Variants in NPM1 observed in about 807,000 individuals in gnomAD.
NPM1 encodes the protein nucleophosmin 1, also known as nucleophosmin.
NPM1 carries 1 observed loss-of-function variant against 44.1 expected under a neutral mutation model. That is an observed-to-expected ratio of 0.02 (90% CI 0.01 to 0.11). The LOEUF (loss-of-function observed/expected upper bound fraction) is 0.11, where lower values mean the gene tolerates loss of function less well. NPM1 is among the 10% of genes least tolerant of loss of function. The probability of loss-of-function intolerance (pLI) is 1.00; values close to 1 mark genes in which losing one functional copy is unlikely to be tolerated. For synonymous variants in NPM1, 126 were observed against 111.8 expected, an observed-to-expected ratio of 1.13 and a Z score of -0.80; for missense variants, 197 against 347.8, an observed-to-expected ratio of 0.57 and a Z score of 3.45.
chr5:171,406,603 T>G, intron 9 of NPM1: 1 of 1,387,196 alleles, frequency 7.2e-7, no homozygotes, highest in Non-Finnish European at 9.3e-7. Flanking sequence ...CACTTTCTTC[T>G]GACTGCTGTG....
intron 9 of NPM1, 71 bp downstream of exon 9, chr5:171,405,474 G>C: frequency 1.4e-6 from 1 of 714,794 alleles, no homozygotes; most frequent in Non-Finnish European, 2.4e-6. Context: ...GCATAGACTT[G>C]AATGTTTCTT....
At chr5:171,399,477 TCCTC>T (rs377594299) in intron 6 of NPM1, among the ~76,000 whole-genome samples, 1 of 152,230 alleles carries the variant, frequency 6.6e-6, no homozygotes, top group African/African-American at 2.4e-5. Context: ...ACTAAAACGA[TCCTC>T]CCACCTCAGC....
intron 8 of NPM1, among the ~76,000 whole-genome samples, chr5:171,404,594 C>T (rs1297978051): frequency 1.9e-5 from 2 of 104,364 alleles, no homozygotes; most frequent in Admixed American, 9.9e-5. Context: ...TGGGAAGAGG[C>T]GCTCCTCACT....
At chr5:171,409,725 T>TG (rs1361757024) in intron 10 of NPM1, among the ~76,000 whole-genome samples, 1 of 151,970 alleles carries the variant, frequency 6.6e-6, no homozygotes, top group African/African-American at 2.4e-5. Context: ...AGGCTGGTCT[T>TG]GAACTCCTGA....
chr5:171,393,432 A>G (rs1770700834), intron 6 of NPM1, among the ~76,000 whole-genome samples: 1 of 152,232 alleles, frequency 6.6e-6, no homozygotes. Flanking sequence ...TTATGTAGAT[A>G]TTTATTGACA....
chr5:171,395,448 T>A (rs1388835882), intron 6 of NPM1, among the ~76,000 whole-genome samples: 1 of 152,082 alleles, frequency 6.6e-6, no homozygotes, highest in African/African-American at 2.4e-5. Context: ...TACAGGCACT[T>A]GCCACCACGC....
In NPM1 at chr5:171,392,737, A is replaced by T; in HGVS notation, c.380A>T (p.Asp127Val). The T allele has an allele frequency of 6.2e-7, 1 of 1,612,910 alleles. No homozygotes were observed. The highest frequency in any genetic ancestry group is 1.1e-5 in the South Asian group (1 of 91,032). The change falls in exon 5 of 11, where the codon GAT (aspartate) becomes GTT (valine). Residue 127 changes from aspartate to valine, a missense_variant. This residue lies in a region of NPM1 where 91 missense variants were observed against 94.0 expected (regional missense o/e 0.97). Coordinates refer to ENST00000296930, the MANE Select transcript of NPM1 (RefSeq NM_002520.7). ...VAVEEDAESE[D>V]EEEEDVKLLS... is the part of the protein sequence containing the mutation. ...GTGGAGGAAGATGCAGAGTCAGAAG[A>T]TGAAGAGGAGGAGGATGTGAAACTC...
In NPM1 at chr5:171,387,881, G is replaced by C. The variant is rs1191520461; in HGVS notation, c.-68G>C. 7.5e-6 allele frequency: 11 copies of C among 1,464,744 alleles called. No individual in the cohort carries two copies. Among genetic ancestry groups the C allele is most frequent in the Non-Finnish European group, 1.9e-6 (2 of 1,047,072 alleles). 90.7% of individuals were successfully genotyped at this position (1,464,744 alleles called of 1,614,324 possible). On this transcript the variant is annotated 5_prime_UTR_variant, in exon 1 of 11. Coordinates refer to ENST00000296930, the MANE Select transcript of NPM1 (RefSeq NM_002520.7). Reference sequence around the variant, plus strand: ...TGGTGTGATTCCGTCCTGCGCGGTTGTTCTCTGGAGCAGCGTTCTTTTATC... The same window carrying C: ...TGGTGTGATTCCGTCCTGCGCGGTTCTTCTCTGGAGCAGCGTTCTTTTATC...
At chr5:171,391,132 A>G (rs1292206770) in intron 2 of NPM1, 173 bp from the exon 3 acceptor site, 4 of 685,832 alleles carry the variant, frequency 5.8e-6, no homozygotes, top group African/African-American at 5.4e-5. Context: ...TATACCATCT[A>G]GGTTTGTATA....
chr5:171,401,831 T>C (rs1159623875), intron 8 of NPM1, among the ~76,000 whole-genome samples: 1 of 152,192 alleles, frequency 6.6e-6, no homozygotes, highest in African/African-American at 2.4e-5. Context: ...GGCTGCATGT[T>C]AGCTTGAAGT....
rs1330105158 is a variant in NPM1, at chr5:171,410,653, A to C, written c.*88A>C. 5.5e-6 allele frequency: 4 copies of C among 725,426 alleles called. No homozygotes were observed. The African/African-American group carries it at 7.2e-5, about 13-fold the overall frequency. 44.9% of individuals were successfully genotyped at this position (725,426 alleles called of 1,614,324 possible). A position where few individuals can be genotyped will look rare whatever the true frequency, so the allele number is the denominator to read the frequency against. On this transcript the variant is annotated 3_prime_UTR_variant, in exon 11 of 11. Coordinates refer to ENST00000296930, the MANE Select transcript of NPM1 (RefSeq NM_002520.7). Reference sequence around the variant, plus strand: ...TATCTGGCTGTCCTTTTTATAATGCAGAGTGAGAACTTTCCCTACCGTGTT... The same window carrying C: ...TATCTGGCTGTCCTTTTTATAATGCCGAGTGAGAACTTTCCCTACCGTGTT...
chr5:171,388,078 G>GGGGGGC, intron 1 of NPM1, 72 bp downstream of exon 1: 7 of 616,738 alleles, frequency 1.1e-5, no homozygotes, highest in Admixed American at 2.0e-5. Context: ...TGAGGGGCGG[G>GGGGGGC]AATCCGGCTG....
In NPM1 at chr5:171,387,895, C is replaced by T. The variant is rs111426800; in HGVS notation, c.-54C>T. ...CCTGCGCGGTTGTTCTCTGGAGCAGCGTTCTTTTATCTCCGTCCGCCTTCT... is the reference window on the plus strand; with the variant it reads ...CCTGCGCGGTTGTTCTCTGGAGCAGTGTTCTTTTATCTCCGTCCGCCTTCT... On this transcript the variant is annotated 5_prime_UTR_variant, in exon 1 of 11. Transcript: ENST00000296930. The T allele has an allele frequency of 1.3e-3, 1,986 of 1,548,050 alleles. 20 individuals are homozygous for T. The African/African-American group carries it at 0.024, about 19-fold the overall frequency.
chr5:171,387,811 T>C (rs1228298834), upstream of NPM1: 12 of 763,304 alleles, frequency 1.6e-5, no homozygotes, highest in East Asian at 3.0e-4. Context: ...GCTCGCGAGA[T>C]CTTCAGGGTC....
chr5:171,398,940 A>C, intron 6 of NPM1, among the ~76,000 whole-genome samples: 1 of 148,856 alleles, frequency 6.7e-6, no homozygotes, highest in Non-Finnish European at 1.5e-5. Context: ...GCTCACTGCA[A>C]CCTCCGCCTC....
At chr5:171,394,283 C>T (rs949937654) in intron 6 of NPM1, among the ~76,000 whole-genome samples, 1 of 152,034 alleles carries the variant, frequency 6.6e-6, no homozygotes, top group African/African-American at 2.4e-5. Context: ...CGTGATCTAC[C>T]TGCCTCGGTC....
intron 6 of NPM1, among the ~76,000 whole-genome samples, chr5:171,396,279 C>T (rs1770879029): frequency 6.6e-6 from 1 of 152,152 alleles, no homozygotes; most frequent in Admixed American, 6.6e-5. Context: ...CCACACCCTG[C>T]CAGTAAAGCT....
intron 4 of NPM1, 24 bp downstream of exon 4, chr5:171,391,823 C>T: frequency 7.0e-7 from 1 of 1,435,158 alleles, no homozygotes; most frequent in East Asian, 2.3e-5. Context: ...ATATATTATA[C>T]TACTTAGTTT....
intron 8 of NPM1, among the ~76,000 whole-genome samples, chr5:171,403,681 G>A (rs1265858554): frequency 1.4e-5 from 2 of 146,294 alleles, no homozygotes; most frequent in Admixed American, 6.9e-5. Context: ...CTGGCCAGGC[G>A]GGGGGCTGAC....
Sources: gnomAD v4.1 joint callset for allele counts (sites outside exome capture counted in the v4.1 genomes callset) on GRCh38, gnomAD v4.1.1 for gene constraint, gnomAD v4.1.1 regional missense constraint, MANE v1.5 for transcripts, NCBI Gene and HGNC (gene_info 2026-07-23, HGNC 2026-07-21) for gene names.